Variants in PCDHGB5 observed in about 807,000 individuals in gnomAD.
The protein encoded by PCDHGB5 is protocadherin gamma subfamily B, 5.
A neutral mutation model predicts 62.9 loss-of-function variants in PCDHGB5; 48 were observed. The observed-to-expected ratio is 0.76, with a 90% confidence interval of 0.61 to 0.97. PCDHGB5 has a LOEUF of 0.97. Among genes scored for constraint, PCDHGB5 ranks in the 50% least tolerant of loss-of-function variants. PCDHGB5 has a pLI of 0.00. For missense variants in PCDHGB5, 1,118 were observed against 1,198.6 expected (o/e 0.93, Z 0.99); for synonymous variants, 474 against 511.2 (o/e 0.93, Z 0.98).
At chr5:141,494,733 C>G in intron 1 of PCDHGB5, 74 bp from the exon 2 acceptor site, 1 of 1,610,826 alleles carries the variant, frequency 6.2e-7, no homozygotes, top group South Asian at 1.1e-5. Flanking sequence ...CTCTCCCGGC[C>G]CATCCCTAGG....
Position 141,421,984 on chromosome 5 carries a change from C to G in PCDHGB5, c.2397+21460C>G, listed in dbSNP as rs201871921. On this transcript the variant is annotated intron_variant, in intron 1 of 3. Transcript: ENST00000617380. ...ACAGTCCGTATATCGCGTGAGTGTT[C>G]CAGAAAACATCAGCTCCGGAACTCG... 21 of 1,608,770 alleles carry G rather than the reference C, an allele frequency of 1.3e-5. No homozygotes were observed. In the Admixed American group the frequency reaches 2.4e-4, roughly 18 times the overall value.
intron 1 of PCDHGB5, chr5:141,426,513 C>T (rs780618436): frequency 6.2e-5 from 21 of 341,148 alleles, no homozygotes; most frequent in Non-Finnish European, 1.1e-4. Context: ...AATACTTTAC[C>T]GTGAACACGG....
At position 141,485,811 on chromosome 5, in the gene PCDHGB5, C is replaced by T; in HGVS notation, c.2398-8996C>T. 6.2e-7 allele frequency: 1 copy of T among 1,614,220 alleles called. No homozygotes were observed. The highest frequency in any genetic ancestry group is 8.5e-7 in the Non-Finnish European group (1 of 1,180,028). ...CAATCGGACTACCGCCTGGTGCTGA[C>T]TGCTGTCGATGGAGGGAACCCGCCG... On this transcript the variant is annotated intron_variant, in intron 1 of 3. Transcript: ENST00000617380. This position sits in a 1 kb window ranked among gnomAD's most constrained non-coding sequence, Gnocchi z 5.7.
intron 1 of PCDHGB5, among the ~76,000 whole-genome samples, chr5:141,471,978 A>C (rs1246474598): frequency 1.3e-5 from 2 of 152,184 alleles, no homozygotes; most frequent in African/African-American, 4.8e-5. Flanking sequence ...TTACTGTATA[A>C]ATTTATTAAA....
intron 1 of PCDHGB5, among the ~76,000 whole-genome samples, chr5:141,479,837 G>A (rs563513895): frequency 3.9e-5 from 6 of 152,338 alleles, no homozygotes; most frequent in Non-Finnish European, 8.8e-5. Flanking sequence ...TGGTATCCAT[G>A]CAAGGTGACT....
intron 1 of PCDHGB5, chr5:141,478,239 C>T: frequency 1.2e-6 from 2 of 1,614,132 alleles, no homozygotes; most frequent in Non-Finnish European, 1.7e-6. Context: ...TTTGTGGTCA[C>T]AGTGTTCGGA....
intron 1 of PCDHGB5, among the ~76,000 whole-genome samples, chr5:141,468,994 T>C (rs2099188173): frequency 6.7e-6 from 1 of 148,824 alleles, no homozygotes; most frequent in Non-Finnish European, 1.5e-5. Context: ...ATTATTGTTT[T>C]TGCTGGGTGC....
In PCDHGB5 at chr5:141,511,330, T is replaced by C; in HGVS notation, c.*157T>C. 1 of 1,455,994 alleles carries C rather than the reference T, an allele frequency of 6.9e-7. No homozygotes were observed. The highest frequency in any genetic ancestry group is 9.1e-7 in the Non-Finnish European group (1 of 1,093,254). 90.2% of individuals were successfully genotyped at this position (1,455,994 alleles called of 1,614,324 possible). ...TTGGGAAACAGAAACAAGTGCCCAG[T>C]CAGCACCTACCCCTTCCCCCCCAGG... On this transcript the variant is annotated 3_prime_UTR_variant, in exon 4 of 4. Coordinates refer to ENST00000617380, the MANE Select transcript of PCDHGB5 (RefSeq NM_018925.3).
chr5:141,490,062 C>A lies in PCDHGB5; in HGVS notation c.2398-4745C>A, dbSNP rs758715682. 6.2e-7 allele frequency: 1 copy of A among 1,614,218 alleles called. No homozygotes were observed. The highest frequency in any genetic ancestry group is 1.1e-5 in the South Asian group (1 of 91,082). ...CCACTGATCCAGACGAGGGCACCAA[C>A]GGCCAACTAGACTATTCTTTTGGAG... On this transcript the variant is annotated intron_variant, in intron 1 of 3. Coordinates refer to ENST00000617380, the MANE Select transcript of PCDHGB5 (RefSeq NM_018925.3). The surrounding 1 kb of genome is among the most constrained non-coding windows in gnomAD (Gnocchi z 5.4).
At chr5:141,457,820 C>CTCAG (rs2098930320) in intron 1 of PCDHGB5, among the ~76,000 whole-genome samples, 1 of 152,198 alleles carries the variant, frequency 6.6e-6, no homozygotes, top group African/African-American at 2.4e-5. Flanking sequence ...CCAAGATAAA[C>CTCAG]TCAGAGCTTC....
In PCDHGB5 at chr5:141,489,744, C is replaced by T. The variant is rs185263705; in HGVS notation, c.2398-5063C>T. The T allele has an allele frequency of 1.1e-5, 18 of 1,614,144 alleles. No homozygotes were observed. In the Admixed American group the frequency reaches 2.8e-4, roughly 25 times the overall value. Reference sequence around the variant, plus strand: ...CGGATGTGGGCACCAATACTGTGAGCTTTTACACTCTAAGCCCCAACAGCC... The same window carrying T: ...CGGATGTGGGCACCAATACTGTGAGTTTTTACACTCTAAGCCCCAACAGCC... On this transcript the variant is annotated intron_variant, in intron 1 of 3. Transcript: ENST00000617380. This position sits in a 1 kb window ranked among gnomAD's most constrained non-coding sequence, Gnocchi z 4.5.
chr5:141,492,007 C>A, intron 1 of PCDHGB5: 1 of 629,072 alleles, frequency 1.6e-6, no homozygotes, highest in Non-Finnish European at 2.6e-6. Flanking sequence ...GCGATTTCCG[C>A]GGGTGTCGGG....
chr5:141,449,900 A>G (rs2098658617), intron 1 of PCDHGB5, among the ~76,000 whole-genome samples: 2 of 151,878 alleles, frequency 1.3e-5, no homozygotes, highest in South Asian at 2.1e-4. Context: ...TATTTAGCCT[A>G]TAGTCCATAT....
chr5:141,427,787 C>T, intron 1 of PCDHGB5: 1 of 1,478,068 alleles, frequency 6.8e-7, no homozygotes, highest in Non-Finnish European at 9.4e-7. Flanking sequence ...CACTGTCGTC[C>T]TACGTGTCCG....
At position 141,431,140 on chromosome 5, in the gene PCDHGB5, C is replaced by T. The variant is rs145692116; in HGVS notation, c.2397+30616C>T. 2.4e-5 allele frequency: 38 copies of T among 1,614,208 alleles called. No individual in the cohort carries two copies. Among genetic ancestry groups the T allele is most frequent in the Admixed American group, 3.3e-5 (2 of 60,038 alleles). On this transcript the variant is annotated intron_variant, in intron 1 of 3. Coordinates refer to ENST00000617380, the MANE Select transcript of PCDHGB5 (RefSeq NM_018925.3). This position sits in a 1 kb window ranked among gnomAD's most constrained non-coding sequence, Gnocchi z 4.8. ...TAGAAGTAGAAGTAAGGGACATTAA[C>T]GACAATGCGCCTTACTTTCGTGAAA...
intron 1 of PCDHGB5, chr5:141,422,184 A>T: frequency 6.4e-7 from 1 of 1,561,838 alleles, no homozygotes; most frequent in Non-Finnish European, 8.6e-7. Context: ...ATGAGATGGA[A>T]ATTCAAGGCC....
At position 141,485,129 on chromosome 5, in the gene PCDHGB5, T is replaced by G. The variant is rs761201450; in HGVS notation, c.2398-9678T>G. 2.1e-6 allele frequency: 3 copies of G among 1,462,964 alleles called. No individual in the cohort carries two copies. Among genetic ancestry groups the G allele is most frequent in the Non-Finnish European group, 2.8e-6 (3 of 1,053,766 alleles). 90.6% of individuals were successfully genotyped at this position (1,462,964 alleles called of 1,614,324 possible). A position where few individuals can be genotyped will look rare whatever the true frequency, so the allele number is the denominator to read the frequency against. On this transcript the variant is annotated intron_variant, in intron 1 of 3. Coordinates refer to ENST00000617380, the MANE Select transcript of PCDHGB5 (RefSeq NM_018925.3). The surrounding 1 kb of genome is among the most constrained non-coding windows in gnomAD (Gnocchi z 5.7). ...TGTGGCTGTTTGGGGCGGGTCGGCT[T>G]CATCCGCGTCTCAGGAGCAAGTAGA...
At chr5:141,455,920 C>T (rs941360102) in intron 1 of PCDHGB5, among the ~76,000 whole-genome samples, 1 of 147,944 alleles carries the variant, frequency 6.8e-6, no homozygotes, top group Non-Finnish European at 1.5e-5. Context: ...TATTTTGAGA[C>T]GGAGTCTCGC....
At chr5:141,446,129 A>C (rs1488078150) in intron 1 of PCDHGB5, among the ~76,000 whole-genome samples, 1 of 152,204 alleles carries the variant, frequency 6.6e-6, no homozygotes, top group Non-Finnish European at 1.5e-5. Flanking sequence ...GTTCAATAAG[A>C]CTTAATAATG....
Sources: gnomAD v4.1 joint callset for allele counts (sites outside exome capture counted in the v4.1 genomes callset) on GRCh38, gnomAD v4.1.1 for gene constraint, Gnocchi (gnomAD v3.1) non-coding constraint, MANE v1.5 for transcripts, NCBI Gene and HGNC (gene_info 2026-07-23, HGNC 2026-07-21) for gene names.